Variants in ACACA observed in about 807,000 individuals in gnomAD.
The protein encoded by ACACA is acetyl-CoA carboxylase alpha.
ACACA carries 103 observed loss-of-function variants against 296.1 expected under a neutral mutation model. That is an observed-to-expected ratio of 0.35 (90% CI 0.30 to 0.41). The LOEUF (loss-of-function observed/expected upper bound fraction) is 0.41, where lower values mean the gene tolerates loss of function less well. Ranked by LOEUF, ACACA falls within the 10% of genes least tolerant of loss-of-function variation. The pLI is 1.00. For missense variants in ACACA, 1,554 were observed against 2,989.7 expected (o/e 0.52, Z 11.20); for synonymous variants, 953 against 1,038.6 (o/e 0.92, Z 1.58).
intron 45 of ACACA, among the ~76,000 whole-genome samples, chr17:37,139,748 T>A (rs370137285): frequency 2.6e-5 from 4 of 152,214 alleles, no homozygotes; most frequent in African/African-American, 9.6e-5. Context: ...GGAATTAAGT[T>A]TTAACTGTTT....
chr17:37,202,233 A>G (rs987500879), intron 33 of ACACA, among the ~76,000 whole-genome samples: 1 of 152,230 alleles, frequency 6.6e-6, no homozygotes. Context: ...AGGGAAGAAA[A>G]TAACTTTAAT....
chr17:37,174,020 A>ATATATATATATATTTTTTT (rs552735515), intron 41 of ACACA, among the ~76,000 whole-genome samples: 1 of 16,796 alleles, frequency 6.0e-5, no homozygotes, highest in Non-Finnish European at 9.9e-5. Flanking sequence ...ATATATATAT[A>ATATATATATATATTTTTTT]TTTTTTTTTT....
rs1442430208 is a variant in ACACA, at chr17:37,129,480, C to T, written c.5829G>A (p.Val1943=). The T allele has an allele frequency of 1.2e-6, 2 of 1,613,980 alleles. No homozygotes were observed. Among genetic ancestry groups the T allele is most frequent in the Non-Finnish European group, 1.7e-6 (2 of 1,179,926 alleles). The change falls in exon 47 of 56, where the codon GTG becomes GTA. Residue 1943 remains valine, a synonymous_variant. Coordinates refer to ENST00000616317, the MANE Select transcript of ACACA (RefSeq NM_198834.3). The part of the protein sequence containing the change: ...LHWLSYMPKS[V]HSSVPLLNSK... ...AGTTCAGAAGAGGAACTGAACTGTG[C>T]ACGCTCTAAAAGGAGATTGGAAGAG...
chr17:37,119,965 T>C (rs2074448432), intron 50 of ACACA, among the ~76,000 whole-genome samples: 1 of 150,642 alleles, frequency 6.6e-6, no homozygotes, highest in South Asian at 2.1e-4. Context: ...CAATCTCGGC[T>C]CACTGCAACC....
At chr17:37,343,678 T>C (rs943891598) in intron 1 of ACACA, among the ~76,000 whole-genome samples, 1 of 151,162 alleles carries the variant, frequency 6.6e-6, no homozygotes, top group Non-Finnish European at 1.5e-5. Flanking sequence ...GGCAGAGAAC[T>C]GCTTGAACCT....
intron 1 of ACACA, among the ~76,000 whole-genome samples, chr17:37,344,562 A>G (rs1259734708): frequency 6.6e-6 from 1 of 152,002 alleles, no homozygotes; most frequent in Non-Finnish European, 1.5e-5. Flanking sequence ...CTTCTCAAAA[A>G]AATAAATAAA....
At chr17:37,186,973 C>G (rs1188832245) in intron 39 of ACACA, among the ~76,000 whole-genome samples, 5 of 151,846 alleles carry the variant, frequency 3.3e-5, no homozygotes, top group African/African-American at 4.8e-5. Flanking sequence ...AAGTGGCCAT[C>G]TTACTTTTCA....
At chr17:37,187,604 T>C (rs1415275485) in intron 39 of ACACA, among the ~76,000 whole-genome samples, 1 of 152,236 alleles carries the variant, frequency 6.6e-6, no homozygotes, top group East Asian at 1.9e-4. Context: ...TTCACAGAAT[T>C]AGTGTACTGA....
At chr17:37,337,501 T>C (rs1462250385) in intron 2 of ACACA, among the ~76,000 whole-genome samples, 1 of 149,032 alleles carries the variant, frequency 6.7e-6, no homozygotes, top group East Asian at 1.9e-4. Flanking sequence ...TCACTCAGGC[T>C]AGAGTGCAGT....
intron 3 of ACACA, among the ~76,000 whole-genome samples, chr17:37,317,889 G>C (rs907644398): frequency 1.3e-5 from 2 of 152,150 alleles, no homozygotes; most frequent in East Asian, 3.8e-4. Flanking sequence ...ATGGGAGATG[G>C]AAAGAGGAAA....
intron 41 of ACACA, chr17:37,162,966 A>T (rs2076521685): frequency 6.5e-6 from 1 of 154,884 alleles, no homozygotes; most frequent in African/African-American, 2.4e-5. Flanking sequence ...CTGGCATCAC[A>T]CACAGGCCCA....
intron 45 of ACACA, among the ~76,000 whole-genome samples, chr17:37,130,988 T>C (rs2075066782): frequency 6.1e-5 from 9 of 147,996 alleles, no homozygotes. Context: ...AGCCTAACAC[T>C]GGCCTCCACG....
chr17:37,279,522 A>G (rs2082413839), intron 5 of ACACA, among the ~76,000 whole-genome samples: 1 of 151,954 alleles, frequency 6.6e-6, no homozygotes, highest in Non-Finnish European at 1.5e-5. Flanking sequence ...TAGTCCCACC[A>G]CAGACAGAGT....
At chr17:37,155,903 G>A (rs2076222635) in intron 42 of ACACA, 123 bp from the exon 43 acceptor site, 1 of 718,208 alleles carries the variant, frequency 1.4e-6, no homozygotes, top group Admixed American at 2.0e-5. Flanking sequence ...TCACTTCTTA[G>A]GTTTACTGTC....
At chr17:37,275,865 C>G (rs1465796536) in intron 8 of ACACA, 86 bp downstream of exon 8, 9 of 1,124,692 alleles carry the variant, frequency 8.0e-6, no homozygotes, top group Non-Finnish European at 1.2e-5. Flanking sequence ...GTCAAGTATA[C>G]CAATACTTTT....
rs1488176324 is a variant in ACACA at position 37,155,611 on chromosome 17, CA to C, written c.5447+71del. The C allele has an allele frequency of 3.9e-6, 4 of 1,031,910 alleles. No individual in the cohort carries two copies. The Admixed American group carries it at 6.8e-5, about 17-fold the overall frequency. 63.9% of individuals were successfully genotyped at this position (1,031,910 alleles called of 1,614,324 possible). On this transcript the variant is annotated intron_variant, in intron 43 of 55. Transcript: ENST00000616317. ...TTCTTCAAGGTTATGAACAGCTGTA[CA>C]ATATGGAAAAAAATACCATATTCTC...
chr17:37,174,020 A>ATATATATATATATATATT (rs552735515), intron 41 of ACACA, among the ~76,000 whole-genome samples: 2 of 16,796 alleles, frequency 1.2e-4, no homozygotes, highest in Non-Finnish European at 2.0e-4. Flanking sequence ...ATATATATAT[A>ATATATATATATATATATT]TTTTTTTTTT....
intron 15 of ACACA, among the ~76,000 whole-genome samples, chr17:37,252,564 C>T (rs1474168817): frequency 6.6e-6 from 1 of 152,168 alleles, no homozygotes; most frequent in African/African-American, 2.4e-5. Flanking sequence ...CTAAATGAGG[C>T]CTCTCTCTTC....
chr17:37,200,200 A>G lies in ACACA; in HGVS notation c.4114-17T>C. 2 of 1,602,202 alleles carry G rather than the reference A, an allele frequency of 1.2e-6. No individual in the cohort carries two copies. Among genetic ancestry groups the G allele is most frequent in the Non-Finnish European group, 1.7e-6 (2 of 1,169,320 alleles). On this transcript the variant is annotated splice_polypyrimidine_tract_variant and intron_variant, in intron 34 of 55. Coordinates refer to ENST00000616317, the MANE Select transcript of ACACA (RefSeq NM_198834.3). Reference sequence around the variant, plus strand: ...TCTGAAATCCTTTCAAATAAAAGAGAGAAAGGAAGGAAAGACAGCAGAAGT... The same window carrying G: ...TCTGAAATCCTTTCAAATAAAAGAGGGAAAGGAAGGAAAGACAGCAGAAGT...
Sources: allele counts gnomAD v4.1 joint callset (sites outside exome capture counted in the v4.1 genomes callset), GRCh38; gene constraint gnomAD v4.1.1; transcripts MANE v1.5; gene names NCBI Gene and HGNC (gene_info 2026-07-23, HGNC 2026-07-21).